FAM83B: variants seen among roughly 807,000 people sequenced by gnomAD.
FAM83B encodes scaffolding CK1 anchoring protein B, also known as protein FAM83B.
FAM83B carries 26 observed loss-of-function variants against 38.8 expected under a neutral mutation model. The observed-to-expected ratio is 0.67, with a 90% CI of 0.49 to 0.93. The LOEUF is 0.93. FAM83B is among the 40% of genes least tolerant of loss of function. The pLI, the probability that FAM83B is intolerant of heterozygous loss-of-function variation, is 0.00. For missense variants in FAM83B, 1,237 were observed against 1,197.3 expected (o/e 1.03, Z -0.49); for synonymous variants, 419 against 423.1 (o/e 0.99, Z 0.12).
chr6:54,892,539 T>C (rs1772429967), intron 2 of FAM83B, among the ~76,000 whole-genome samples: 1 of 151,982 alleles, frequency 6.6e-6, no homozygotes, highest in South Asian at 2.1e-4. Context: ...TTTCTGTTTC[T>C]GTGTTAGTTT....
At position 54,914,650 on chromosome 6, in the gene FAM83B, C is replaced by G. The variant is rs140215852; in HGVS notation, c.445-11721C>G. On this transcript the variant is annotated intron_variant, in intron 2 of 4. Transcript: ENST00000306858. ...AAACATTTGTAAAAAATGTCAACTT[C>G]AAGTTTACATTTTTGAATCTCAATT... 1.8e-3 allele frequency among the ~76,000 whole-genome samples: 272 copies of G among 152,216 alleles called. 1 individual carries two copies. Among genetic ancestry groups the G allele is most frequent in the Non-Finnish European group, 3.3e-3 (225 of 68,006 alleles).
rs746895757 is a variant in FAM83B at position 54,941,920 on chromosome 6, T to G, written c.2949T>G (p.Thr983=). 59 of 1,613,958 alleles carry G rather than the reference T, an allele frequency of 3.7e-5. No homozygotes were observed. The highest frequency in any genetic ancestry group is 5.0e-5 in the Admixed American group (3 of 59,956). Residue 983 remains threonine, a synonymous_variant, in exon 5 of 5, where the codon ACT becomes ACG. Coordinates refer to ENST00000306858, the MANE Select transcript of FAM83B (RefSeq NM_001010872.3). ...GRSSPLLNYN[T]GVYRSYQPNE... The stretch of plus-strand genomic sequence containing the variant: ...CTAGTCCATTGCTTAATTACAACAC[T>G]GGTGTTTATCGCTCATATCAACCCA...
Position 54,940,819 on chromosome 6 carries a change from T to C in FAM83B, c.1848T>C (p.Val616=), listed in dbSNP as rs1443558052. The change falls in exon 5 of 5, where the codon GTT becomes GTC. Residue 616 remains valine (V), a synonymous_variant. Coordinates refer to ENST00000306858, the MANE Select transcript of FAM83B (RefSeq NM_001010872.3). ...SEAPKMHTLQ[V]PENHSVALNQ... is the part of the protein sequence containing the mutation. ...CACCAAAAATGCACACCTTGCAGGT[T>C]CCTGAAAACCACTCAGTAGCCTTAA... 2 of 1,614,020 alleles carry C rather than the reference T, an allele frequency of 1.2e-6. No individual in the cohort carries two copies. Among genetic ancestry groups the C allele is most frequent in the Non-Finnish European group, 1.7e-6 (2 of 1,180,000 alleles).
chr6:54,944,435 G>A lies in FAM83B; in HGVS notation c.*2428G>A, dbSNP rs1382311944. On this transcript the variant is annotated 3_prime_UTR_variant, in exon 5 of 5. Coordinates refer to ENST00000306858, the MANE Select transcript of FAM83B (RefSeq NM_001010872.3). Reference sequence around the variant, plus strand: ...GGGTATAATTTCAAAGTAGTTCTTGGCAGATGGCTAGAGAATACTGCAAGT... The same window carrying A: ...GGGTATAATTTCAAAGTAGTTCTTGACAGATGGCTAGAGAATACTGCAAGT... The A allele has an allele frequency of 6.6e-6, 1 of 152,064 alleles. No homozygotes were observed. Among genetic ancestry groups the A allele is most frequent in the Non-Finnish European group, 1.5e-5 (1 of 68,018 alleles). The allele number at this position is 152,064 out of a possible 1,614,324, so 9.4% of individuals were successfully genotyped here.
chr6:54,912,536 A>T (rs1772934320), intron 2 of FAM83B, among the ~76,000 whole-genome samples: 1 of 151,644 alleles, frequency 6.6e-6, no homozygotes, highest in African/African-American at 2.4e-5. Context: ...GCCCAATTGA[A>T]AAATATTTTC....
intron 1 of FAM83B, among the ~76,000 whole-genome samples, chr6:54,861,564 G>A (rs1397260138): frequency 1.3e-5 from 2 of 152,176 alleles, no homozygotes; most frequent in Non-Finnish European, 2.9e-5. Flanking sequence ...AAACAAAAAA[G>A]AAGTGGTCTC....
intron 2 of FAM83B, among the ~76,000 whole-genome samples, chr6:54,901,698 T>C (rs1772665376): frequency 1.3e-5 from 2 of 152,204 alleles, no homozygotes; most frequent in Admixed American, 1.3e-4. Flanking sequence ...CTAAGCTCTT[T>C]CTTGCAATGA....
intron 2 of FAM83B, among the ~76,000 whole-genome samples, chr6:54,880,273 A>G (rs573884043): frequency 1.3e-5 from 2 of 152,342 alleles, no homozygotes; most frequent in South Asian, 4.1e-4. Context: ...TCTCTGTGTT[A>G]TATGGGATCT....
chr6:54,852,705 A>C (rs1443973770), intron 1 of FAM83B, among the ~76,000 whole-genome samples: 1 of 152,214 alleles, frequency 6.6e-6, no homozygotes, highest in Non-Finnish European at 1.5e-5. Context: ...CAATTATCCA[A>C]ATTGTGAAAG....
intron 2 of FAM83B, among the ~76,000 whole-genome samples, chr6:54,906,557 G>A (rs957289951): frequency 1.3e-5 from 2 of 151,884 alleles, no homozygotes; most frequent in Non-Finnish European, 1.5e-5. Context: ...GCTAATTTTT[G>A]TATTTTTAGT....
At chr6:54,931,280 C>T (rs1773414213) in intron 4 of FAM83B, among the ~76,000 whole-genome samples, 1 of 152,082 alleles carries the variant, frequency 6.6e-6, no homozygotes, top group Non-Finnish European at 1.5e-5. Flanking sequence ...GTCAAGTGTT[C>T]TCTATGTGTT....
chr6:54,917,154 C>T (rs1052719740), intron 2 of FAM83B, among the ~76,000 whole-genome samples: 3 of 152,124 alleles, frequency 2.0e-5, no homozygotes, highest in Non-Finnish European at 4.4e-5. Flanking sequence ...TCTCTCAATA[C>T]TGTGTACTCT....
intron 1 of FAM83B, among the ~76,000 whole-genome samples, chr6:54,863,839 G>C (rs1249906405): frequency 6.6e-6 from 1 of 152,114 alleles, no homozygotes; most frequent in Non-Finnish European, 1.5e-5. Flanking sequence ...GATTTCTGCA[G>C]ATTATATTAA....
At position 54,941,346 on chromosome 6, in the gene FAM83B, A is replaced by G. The variant is rs765800433; in HGVS notation, c.2375A>G (p.Asn792Ser). The change falls in exon 5 of 5, where the codon AAT (asparagine) becomes AGT (serine). Residue 792 changes from asparagine (N) to serine (S), a missense_variant. Asn to Ser is a conservative substitution (Grantham distance 46). Transcript: ENST00000306858. Reference sequence around the variant, plus strand: ...GATAAGAAAGAAAATCTATCCAAAAATAAAGCACCTGCCTTTTATAGATTG... The same window carrying G: ...GATAAGAAAGAAAATCTATCCAAAAGTAAAGCACCTGCCTTTTATAGATTG... ...TPDKKENLSK[N>S]KAPAFYRLCS... 7 of 1,613,134 alleles carry G rather than the reference A, an allele frequency of 4.3e-6. No individual in the cohort carries two copies. Among genetic ancestry groups the G allele is most frequent in the South Asian group, 1.1e-5 (1 of 90,722 alleles).
At chr6:54,902,056 T>A (rs1158104292) in intron 2 of FAM83B, among the ~76,000 whole-genome samples, 2 of 152,158 alleles carry the variant, frequency 1.3e-5, no homozygotes, top group Non-Finnish European at 2.9e-5. Context: ...AATGAAGGGA[T>A]TGGTGTATTG....
intron 4 of FAM83B, among the ~76,000 whole-genome samples, chr6:54,937,208 CATTT>C (rs1268784463): frequency 6.6e-6 from 1 of 151,336 alleles, no homozygotes; most frequent in African/African-American, 2.4e-5. Flanking sequence ...AATAGCAATT[CATTT>C]ATTTTTCAGT....
At chr6:54,869,483 C>A (rs1196891364) in intron 1 of FAM83B, among the ~76,000 whole-genome samples, 1 of 151,258 alleles carries the variant, frequency 6.6e-6, no homozygotes, top group Non-Finnish European at 1.5e-5. Flanking sequence ...GTTTTTTTTT[C>A]TTTAATTTTT....
In FAM83B at chr6:54,879,326, A is replaced by G. The variant is rs117473762; in HGVS notation, c.444+8636A>G. On this transcript the variant is annotated intron_variant, in intron 2 of 4. Coordinates refer to ENST00000306858, the MANE Select transcript of FAM83B (RefSeq NM_001010872.3). The stretch of plus-strand genomic sequence containing the variant: ...TAAATACAGAATATGAGATAAGAAC[A>G]TGACGGATTAGATGCTGTCCCAGGA... 3.5e-4 allele frequency among the ~76,000 whole-genome samples: 54 copies of G among 152,334 alleles called. No homozygotes were observed. The East Asian group carries it at 0.01, about 29-fold the overall frequency.
At chr6:54,898,267 T>A (rs998608103) in intron 2 of FAM83B, among the ~76,000 whole-genome samples, 2 of 152,142 alleles carry the variant, frequency 1.3e-5, no homozygotes, top group African/African-American at 4.8e-5. Context: ...GTCCAATATG[T>A]CTCTAGCTTA....
Sources: allele counts gnomAD v4.1 joint callset (sites outside exome capture counted in the v4.1 genomes callset), GRCh38; gene constraint gnomAD v4.1.1; transcripts MANE v1.5; gene names NCBI Gene and HGNC (gene_info 2026-07-23, HGNC 2026-07-21).